The following FGD5 variants were observed in gnomAD, a reference collection of about 807,000 sequenced individuals.
The protein encoded by FGD5 is FYVE, RhoGEF and PH domain-containing protein 5.
In FGD5, 28 loss-of-function variants were observed where a neutral mutation model predicts 133.4. The observed-to-expected ratio is 0.21, with a 90% confidence interval of 0.16 to 0.29. The LOEUF is 0.29. Ranked by LOEUF, FGD5 falls within the 10% of genes least tolerant of loss-of-function variation. FGD5 has a pLI of 1.00. For missense variants in FGD5, 1,858 were observed against 1,895.2 expected (o/e 0.98, Z 0.36); for synonymous variants, 810 against 776.5 (o/e 1.04, Z -0.72).
chr3:14,924,889 C>T (rs946175819), intron 17 of FGD5, among the ~76,000 whole-genome samples: 1 of 151,996 alleles, frequency 6.6e-6, no homozygotes, highest in Admixed American at 6.6e-5. Flanking sequence ...ATCACGAGGT[C>T]GGGAGATCCA....
At chr3:14,883,845 A>T (rs1044878057) in intron 4 of FGD5, among the ~76,000 whole-genome samples, 2 of 152,204 alleles carry the variant, frequency 1.3e-5, no homozygotes, top group Non-Finnish European at 2.9e-5. Flanking sequence ...AGGGAAAGAC[A>T]TATGCAGGAA....
intron 1 of FGD5, among the ~76,000 whole-genome samples, chr3:14,844,453 A>G (rs1206493529): frequency 6.6e-6 from 1 of 150,530 alleles, no homozygotes; most frequent in Non-Finnish European, 1.5e-5. Flanking sequence ...CTTTGGTCAG[A>G]TCCATTCCAG....
chr3:14,900,357 G>T, intron 7 of FGD5, 46 bp from the exon 8 acceptor site: 1 of 1,600,846 alleles, frequency 6.2e-7, no homozygotes, highest in South Asian at 1.1e-5. Flanking sequence ...GGCAGGAGGG[G>T]CTGACCTCAC....
chr3:14,813,865 A>G (rs997263051), intron 1 of FGD5, among the ~76,000 whole-genome samples: 4 of 152,234 alleles, frequency 2.6e-5, no homozygotes, highest in African/African-American at 9.6e-5. Context: ...AGCAAGCATG[A>G]ACATGTGAGT....
At chr3:14,872,801 C>A (rs1247047631) in intron 2 of FGD5, among the ~76,000 whole-genome samples, 1 of 152,218 alleles carries the variant, frequency 6.6e-6, no homozygotes, top group Non-Finnish European at 1.5e-5. Context: ...TCATAGAAAT[C>A]AGTCTCTTGT....
At chr3:14,891,234 T>G (rs561489258) in intron 4 of FGD5, among the ~76,000 whole-genome samples, 2 of 152,080 alleles carry the variant, frequency 1.3e-5, no homozygotes, top group African/African-American at 4.8e-5. Flanking sequence ...CAGGGAAACC[T>G]CCACCCCAGG....
Position 14,918,838 on chromosome 3 carries a change from G to T in FGD5, c.3569+5G>T, listed in dbSNP as rs767588206. ...CTGCCTGATGCTGTCTGCGAGGTACGGGCAGGTGGAGGGAGGATGGCGCAC... is the reference window on the plus strand; with the variant it reads ...CTGCCTGATGCTGTCTGCGAGGTACTGGCAGGTGGAGGGAGGATGGCGCAC... On this transcript the variant is annotated splice_donor_5th_base_variant and intron_variant, in intron 13 of 19. Transcript: ENST00000285046. 6.2e-7 allele frequency: 1 copy of T among 1,613,840 alleles called. No individual in the cohort carries two copies. The highest frequency in any genetic ancestry group is 8.5e-7 in the Non-Finnish European group (1 of 1,179,874).
chr3:14,923,994 T>G lies in FGD5; in HGVS notation c.3938-14T>G, dbSNP rs1244463502. The G allele has an allele frequency of 6.2e-7, 1 of 1,613,838 alleles. No homozygotes were observed. Among genetic ancestry groups the G allele is most frequent in the Non-Finnish European group, 8.5e-7 (1 of 1,179,834 alleles). ...CCTCTCACCTCCCTTCCATGTGGCTTCTTTCAGTTACAGAGCGGCCTGTGA... is the reference window on the plus strand; with the variant it reads ...CCTCTCACCTCCCTTCCATGTGGCTGCTTTCAGTTACAGAGCGGCCTGTGA... On this transcript the variant is annotated splice_polypyrimidine_tract_variant and intron_variant, in intron 16 of 19. Transcript: ENST00000285046.
rs1203220701 is a variant in FGD5, at chr3:14,925,126, A to AAAAAAAC, written c.4069-942_4069-941insAAAACAA. Among the ~76,000 whole-genome samples, 3 of 127,556 alleles carry AAAAAAAC rather than the reference A, an allele frequency of 2.4e-5. 1 individual carries two copies. Among genetic ancestry groups the AAAAAAAC allele is most frequent in the Non-Finnish European group, 1.6e-5 (1 of 61,330 alleles). 83.7% of individuals were successfully genotyped at this position (127,556 alleles called of 152,430 possible). On this transcript the variant is annotated intron_variant, in intron 17 of 19. Coordinates refer to ENST00000285046, the MANE Select transcript of FGD5 (RefSeq NM_152536.4). ...AAAAAAAAAAAAAAAAAAAAAAAAA[A>AAAAAAAC]AACACATACATGGTTAAACATTTTT...
At chr3:14,864,401 G>T in intron 2 of FGD5, 141 bp downstream of exon 2, 1 of 1,329,906 alleles carries the variant, frequency 7.5e-7, no homozygotes, top group Non-Finnish European at 1.0e-6. Flanking sequence ...GCTGAGACAC[G>T]CAGCATCAGG....
chr3:14,843,223 T>G (rs2036958343), intron 1 of FGD5, among the ~76,000 whole-genome samples: 1 of 152,200 alleles, frequency 6.6e-6, no homozygotes, highest in East Asian at 1.9e-4. Context: ...GGCACAGTAC[T>G]TGGCACATAG....
chr3:14,839,108 A>G (rs973191414), intron 1 of FGD5, among the ~76,000 whole-genome samples: 2 of 152,196 alleles, frequency 1.3e-5, no homozygotes, highest in Admixed American at 1.3e-4. Context: ...AAGAAAGGAA[A>G]AGCACATGCT....
chr3:14,893,099 A>G (rs1298677061), intron 4 of FGD5, among the ~76,000 whole-genome samples: 2 of 152,220 alleles, frequency 1.3e-5, no homozygotes, highest in Admixed American at 6.5e-5. Context: ...GCTAGGCCTC[A>G]TGCAAGAGCA....
chr3:14,922,364 G>A lies in FGD5; in HGVS notation c.3670-47G>A. The A allele has an allele frequency of 6.4e-7, 1 of 1,551,892 alleles. No homozygotes were observed. The highest frequency in any genetic ancestry group is 1.2e-5 in the South Asian group (1 of 84,070). On this transcript the variant is annotated intron_variant, in intron 14 of 19. Coordinates refer to ENST00000285046, the MANE Select transcript of FGD5 (RefSeq NM_152536.4). This position sits in a 1 kb window ranked among gnomAD's most constrained non-coding sequence, Gnocchi z 4.1. ...GCTCACTGGGCTCTGCATCTGGCTG[G>A]TCTCCTGGCCACATTCCACATTACT...
chr3:14,901,175 T>G, intron 9 of FGD5, 114 bp downstream of exon 9: 13 of 1,115,110 alleles, frequency 1.2e-5, no homozygotes, highest in East Asian at 4.7e-5. Context: ...ACCGTCTCTC[T>G]TGTGGGACTC....
chr3:14,858,871 T>G (rs1056132729), intron 1 of FGD5, among the ~76,000 whole-genome samples: 10 of 152,250 alleles, frequency 6.6e-5, no homozygotes, highest in Non-Finnish European at 1.5e-4. Flanking sequence ...CAGAGGTGTT[T>G]CCTTGCCCTG....
chr3:14,827,286 T>TC (rs2036618344), intron 1 of FGD5, among the ~76,000 whole-genome samples: 1 of 121,006 alleles, frequency 8.3e-6, no homozygotes. Context: ...GTATTCTTTT[T>TC]TTTTTTTTTT....
Position 14,819,322 on chromosome 3 carries a change from T to C in FGD5, c.251T>C (p.Val84Ala). 1.9e-6 allele frequency: 3 copies of C among 1,540,090 alleles called. No homozygotes were observed. Among genetic ancestry groups the C allele is most frequent in the Non-Finnish European group, 2.6e-6 (3 of 1,141,346 alleles). Residue 84 changes from valine (V) to alanine (A), a missense_variant, in exon 1 of 20, where the codon GTG becomes GCG. Physicochemically the swap from Val to Ala is moderately conservative, Grantham distance 64 (BLOSUM62 0). Around this residue, in one of 3 missense-constraint regions of FGD5, gnomAD observed 1,824 missense variants for 1,848.9 expected, o/e 0.99. Coordinates refer to ENST00000285046, the MANE Select transcript of FGD5 (RefSeq NM_152536.4). This position sits in a 1 kb window ranked among gnomAD's most constrained non-coding sequence, Gnocchi z 4.1. ...GATGAACCCAAGGACGAGGGCAGTG[T>C]GGGGAACAAAGCCCTGGTGTCTCCC... is the stretch of plus-strand genomic sequence containing the variant. The part of the protein sequence containing the change: ...REDEPKDEGS[V>A]GNKALVSPES...
Position 14,922,931 on chromosome 3 carries a change from C to T in FGD5, c.3808-115C>T. ...ACACGCACAGCTCCATGATCAGAACCTGGGGCTCCCTAGGGGCAGTTGTGG... is the reference window on the plus strand; with the variant it reads ...ACACGCACAGCTCCATGATCAGAACTTGGGGCTCCCTAGGGGCAGTTGTGG... On this transcript the variant is annotated intron_variant, in intron 15 of 19. Coordinates refer to ENST00000285046, the MANE Select transcript of FGD5 (RefSeq NM_152536.4). The surrounding 1 kb of genome is among the most constrained non-coding windows in gnomAD (Gnocchi z 4.1). The T allele has an allele frequency of 6.9e-7, 1 of 1,451,654 alleles. No homozygotes were observed. Among genetic ancestry groups the T allele is most frequent in the Non-Finnish European group, 9.5e-7 (1 of 1,053,490 alleles). 89.9% of individuals were successfully genotyped at this position (1,451,654 alleles called of 1,614,324 possible).
Sources: allele counts gnomAD v4.1 joint callset (sites outside exome capture counted in the v4.1 genomes callset), GRCh38; gene constraint gnomAD v4.1.1; regional missense constraint gnomAD v4.1.1; non-coding constraint Gnocchi (gnomAD v3.1); transcripts MANE v1.5; gene names NCBI Gene and HGNC (gene_info 2026-07-23, HGNC 2026-07-21).